GOLIM4: variants seen among roughly 807,000 people sequenced by gnomAD.
GOLIM4 encodes the protein 130 kDa golgi-localized phosphoprotein.
In GOLIM4, 71 loss-of-function variants were observed where a neutral mutation model predicts 107.4. The observed-to-expected ratio is 0.66, with a 90% confidence interval of 0.55 to 0.81. The LOEUF is 0.81. Among genes scored for constraint, GOLIM4 ranks in the 30% least tolerant of loss-of-function variants. GOLIM4 has a pLI of 0.00. For synonymous variants in GOLIM4, 327 were observed against 294.8 expected (o/e 1.11, Z -1.12); for missense variants, 830 against 826.1 (o/e 1.00, Z -0.06).
rs537634842 is a variant in GOLIM4 at position 168,059,465 on chromosome 3, C to A, written c.188-11100G>T. On this transcript the variant is annotated intron_variant, in intron 1 of 15. Transcript: ENST00000470487. ...TAAAAGTAAGTCTTGTAAAAAGATGCTATTTAAGATCTCTTAGTCTTATTT... is the reference window on the plus strand; with the variant it reads ...TAAAAGTAAGTCTTGTAAAAAGATGATATTTAAGATCTCTTAGTCTTATTT... Among the ~76,000 whole-genome samples, 46 of 152,254 alleles carry A rather than the reference C, an allele frequency of 3.0e-4. 1 individual carries two copies. Among genetic ancestry groups the A allele is most frequent in the African/African-American group, 1.1e-3 (46 of 41,560 alleles).
intron 14 of GOLIM4, among the ~76,000 whole-genome samples, chr3:168,022,957 C>T (rs545340760): frequency 1.8e-4 from 27 of 152,298 alleles, no homozygotes; most frequent in African/African-American, 6.5e-4. Context: ...CCAGGGCAAC[C>T]TCCTCTGTCT....
chr3:168,020,348 G>A (rs903044654), intron 14 of GOLIM4, among the ~76,000 whole-genome samples: 1 of 152,128 alleles, frequency 6.6e-6, no homozygotes, highest in Admixed American at 6.5e-5. Context: ...ACAACTGTCT[G>A]CCCTAGGACT....
At chr3:168,043,897 T>C (rs950394836) in intron 4 of GOLIM4, among the ~76,000 whole-genome samples, 1 of 152,258 alleles carries the variant, frequency 6.6e-6, no homozygotes, top group Non-Finnish European at 1.5e-5. Flanking sequence ...TTCGATCTGA[T>C]GTTTTCCCAG....
intron 13 of GOLIM4, 24 bp downstream of exon 13, chr3:168,024,903 AC>A: frequency 2.5e-6 from 4 of 1,598,152 alleles, no homozygotes; most frequent in Non-Finnish European, 3.4e-6. Context: ...AGTTAAATCC[AC>A]CCTTCCTCGT....
chr3:168,053,674 T>C (rs905345896), intron 1 of GOLIM4, among the ~76,000 whole-genome samples: 1 of 152,208 alleles, frequency 6.6e-6, no homozygotes, highest in Non-Finnish European at 1.5e-5. Flanking sequence ...ATTAAGAGCC[T>C]TTATGTGACA....
At chr3:168,028,203 G>C (rs1718115503) in intron 11 of GOLIM4, among the ~76,000 whole-genome samples, 1 of 152,186 alleles carries the variant, frequency 6.6e-6, no homozygotes, top group African/African-American at 2.4e-5. Flanking sequence ...AGAGGAAGTA[G>C]CTGGGCTCCA....
intron 1 of GOLIM4, among the ~76,000 whole-genome samples, chr3:168,052,382 A>T (rs1719700238): frequency 6.6e-6 from 1 of 151,450 alleles, no homozygotes; most frequent in African/African-American, 2.4e-5. Context: ...ACATACACAC[A>T]CTCTCTCACA....
In GOLIM4 at chr3:168,095,581, G is replaced by C. The variant is rs1266427786; in HGVS notation, c.-296C>G. The C allele has an allele frequency of 2.7e-6, 1 of 375,822 alleles. No individual in the cohort carries two copies. The highest frequency in any genetic ancestry group is 6.1e-5 in the East Asian group (1 of 16,476). 23.3% of individuals were successfully genotyped at this position (375,822 alleles called of 1,614,324 possible). On this transcript the variant is annotated 5_prime_UTR_variant, in exon 1 of 16. Coordinates refer to ENST00000470487, the MANE Select transcript of GOLIM4 (RefSeq NM_014498.5). ...GCATACTTCAGAGCCGGCTGCCCTC[G>C]CGCCTGTCCCCAGATGCCTCCTGCC...
rs577233758 is a variant in GOLIM4 at position 168,070,379 on chromosome 3, C to T, written c.188-22014G>A. 4.6e-5 allele frequency among the ~76,000 whole-genome samples: 7 copies of T among 152,240 alleles called. No individual in the cohort carries two copies. In the East Asian group the frequency reaches 5.8e-4, roughly 13 times the overall value. ...CTGCACTCCAGCCTGGGCAACAGAG[C>T]GAGACTCCGTCTCAAAAACAAAACA... On this transcript the variant is annotated intron_variant, in intron 1 of 15. Coordinates refer to ENST00000470487, the MANE Select transcript of GOLIM4 (RefSeq NM_014498.5).
chr3:168,091,648 A>G (rs1577584941), intron 1 of GOLIM4, among the ~76,000 whole-genome samples: 1 of 152,224 alleles, frequency 6.6e-6, no homozygotes, highest in East Asian at 1.9e-4. Flanking sequence ...AAAGCAGCTT[A>G]CCTCAAAGAG....
rs1718387633 is a variant in GOLIM4 at position 168,032,541 on chromosome 3, C to G, written c.1155G>C (p.Leu385=). Residue 385 remains leucine, a synonymous_variant, in exon 9 of 16, where the codon CTG becomes CTC. Transcript: ENST00000470487. The part of the protein sequence containing the change: ...QHEQREAANL[L]EGHARAEVYP... ...ATACCTCAGCACGCGCGTGCCCTTC[C>G]AGGAGGTTGGCTGCTTCTCGTTGCT... The G allele has an allele frequency of 6.2e-7, 1 of 1,614,050 alleles. No homozygotes were observed. The highest frequency in any genetic ancestry group is 1.1e-5 in the South Asian group (1 of 91,062).
intron 1 of GOLIM4, among the ~76,000 whole-genome samples, chr3:168,056,513 C>T (rs1343181740): frequency 6.6e-6 from 1 of 152,200 alleles, no homozygotes; most frequent in Non-Finnish European, 1.5e-5. Flanking sequence ...CCTGGAAAAG[C>T]CACAGACACT....
intron 10 of GOLIM4, 78 bp from the exon 11 acceptor site, chr3:168,029,380 A>G: frequency 1.1e-6 from 1 of 912,050 alleles, no homozygotes; most frequent in Admixed American, 2.1e-5. Flanking sequence ...TTTATCTTTA[A>G]AGACAGTAAT....
At chr3:168,033,606 C>CAAAAAAAAAAAAAA (rs61728774) in intron 8 of GOLIM4, among the ~76,000 whole-genome samples, 1 of 31,306 alleles carries the variant, frequency 3.2e-5, no homozygotes, top group Non-Finnish European at 6.2e-5. Context: ...GACTCCGTCT[C>CAAAAAAAAAAAAAA]AAAAAAAAAA....
At position 168,092,507 on chromosome 3, in the gene GOLIM4, C is replaced by T. The variant is rs566179574; in HGVS notation, c.187+2592G>A. 7.9e-5 allele frequency among the ~76,000 whole-genome samples: 12 copies of T among 152,250 alleles called. No individual in the cohort carries two copies. The South Asian group carries it at 1.9e-3, about 24-fold the overall frequency. ...TTAAACTGAAGGTGACCTAAATACGCTCACTTAACGAACGCACATCATCAG... is the reference window on the plus strand; with the variant it reads ...TTAAACTGAAGGTGACCTAAATACGTTCACTTAACGAACGCACATCATCAG... On this transcript the variant is annotated intron_variant, in intron 1 of 15. Coordinates refer to ENST00000470487, the MANE Select transcript of GOLIM4 (RefSeq NM_014498.5).
chr3:168,038,240 A>G (rs1287612468), intron 7 of GOLIM4, among the ~76,000 whole-genome samples: 1 of 152,236 alleles, frequency 6.6e-6, no homozygotes, highest in Non-Finnish European at 1.5e-5. Flanking sequence ...AAAATAAATG[A>G]CATACACATA....
At chr3:168,055,219 C>G (rs927898947) in intron 1 of GOLIM4, among the ~76,000 whole-genome samples, 1 of 152,076 alleles carries the variant, frequency 6.6e-6, no homozygotes, top group Non-Finnish European at 1.5e-5. Flanking sequence ...CTTGGAGGCT[C>G]AGAAGAAGAC....
At position 168,036,905 on chromosome 3, in the gene GOLIM4, C is replaced by A. The variant is rs374451866; in HGVS notation, c.774G>T (p.Val258=). Residue 258 remains valine, a synonymous_variant, in exon 8 of 16, where the codon GTG becomes GTT. Coordinates refer to ENST00000470487, the MANE Select transcript of GOLIM4 (RefSeq NM_014498.5). ...CTTGTGGAGAATGTGCCACCTGGGT[C>A]ACATTTTGCTGTTCTGCTGGATCAG... The part of the protein sequence containing the change: ...RKPDPAEQQN[V]TQVAHSPQGY... The A allele has an allele frequency of 6.2e-7, 1 of 1,613,730 alleles. No individual in the cohort carries two copies. Among genetic ancestry groups the A allele is most frequent in the Admixed American group, 1.7e-5 (1 of 60,000 alleles).
chr3:168,078,469 C>T (rs943546348), intron 1 of GOLIM4, among the ~76,000 whole-genome samples: 3 of 152,090 alleles, frequency 2.0e-5, no homozygotes, highest in African/African-American at 7.2e-5. Flanking sequence ...TTCTTATTCT[C>T]ATCACTGTTC....
Sources: gnomAD v4.1 joint callset for allele counts (sites outside exome capture counted in the v4.1 genomes callset) on GRCh38, gnomAD v4.1.1 for gene constraint, MANE v1.5 for transcripts, NCBI Gene and HGNC (gene_info 2026-07-23, HGNC 2026-07-21) for gene names.